The following GLDN variants were observed in gnomAD, a reference collection of about 807,000 sequenced individuals.
The protein encoded by GLDN is collomin.
GLDN carries 47 observed loss-of-function variants against 56.5 expected under a neutral mutation model. The ratio of observed to expected loss-of-function variants is 0.83; its 90% CI spans 0.66 to 1.06. The LOEUF is 1.06. Among genes scored for constraint, GLDN ranks in the 50% least tolerant of loss-of-function variants. GLDN has a pLI of 0.00. For synonymous variants in GLDN, 332 were observed against 278.8 expected (o/e 1.19, Z -1.90); for missense variants, 782 against 714.3 (o/e 1.09, Z -1.08).
At chr15:51,364,486 C>A (rs1283731292) in intron 1 of GLDN, among the ~76,000 whole-genome samples, 3 of 152,186 alleles carry the variant, frequency 2.0e-5, no homozygotes, top group Non-Finnish European at 4.4e-5. Flanking sequence ...CTCAAGTCAT[C>A]CTTCTGCTTT....
chr15:51,346,697 G>A (rs1163007003), intron 1 of GLDN, among the ~76,000 whole-genome samples: 1 of 152,170 alleles, frequency 6.6e-6, no homozygotes, highest in Non-Finnish European at 1.5e-5. Context: ...AAAAGCACAT[G>A]AAACAGCAGC....
chr15:51,370,178 G>C (rs1219528899), intron 1 of GLDN, among the ~76,000 whole-genome samples: 2 of 152,252 alleles, frequency 1.3e-5, no homozygotes, highest in South Asian at 2.1e-4. Context: ...AAGCAAGCTA[G>C]GTGAGCCTAA....
intron 4 of GLDN, among the ~76,000 whole-genome samples, chr15:51,390,967 G>A (rs375395066): frequency 2.1e-4 from 32 of 152,300 alleles, no homozygotes; most frequent in African/African-American, 7.7e-4. Flanking sequence ...CCACACACAG[G>A]TTCCTGATGG....
At chr15:51,355,745 G>T (rs535792035) in intron 1 of GLDN, among the ~76,000 whole-genome samples, 1 of 149,482 alleles carries the variant, frequency 6.7e-6, no homozygotes, top group Non-Finnish European at 1.5e-5. Context: ...GGATGGTCTT[G>T]ATCTCCTGAC....
At position 51,390,652 on chromosome 15, in the gene GLDN, T is replaced by G. The variant is rs557844343; in HGVS notation, c.542-4183T>G. Among the ~76,000 whole-genome samples, 31 of 152,250 alleles carry G rather than the reference T, an allele frequency of 2.0e-4. No individual in the cohort carries two copies. The South Asian group carries it at 2.9e-3, about 14-fold the overall frequency. ...CCCCCGCCTTAGCAACAAATGATAC[T>G]GCTGAAAATAAAACATCCTCCCTCA... On this transcript the variant is annotated intron_variant, in intron 4 of 9. Transcript: ENST00000335449.
At chr15:51,360,891 A>G (rs1274747645) in intron 1 of GLDN, among the ~76,000 whole-genome samples, 2 of 152,206 alleles carry the variant, frequency 1.3e-5, no homozygotes, top group Admixed American at 6.5e-5. Flanking sequence ...ACACTCTTAC[A>G]GATGTTTTTG....
chr15:51,353,933 T>C (rs1025360473), intron 1 of GLDN, among the ~76,000 whole-genome samples: 1 of 152,198 alleles, frequency 6.6e-6, no homozygotes, highest in Non-Finnish European at 1.5e-5. Flanking sequence ...TAGGTTGTAA[T>C]TAAGCTACAA....
intron 1 of GLDN, among the ~76,000 whole-genome samples, chr15:51,355,513 T>TTTTC (rs560055625): frequency 1.3e-5 from 2 of 148,916 alleles, no homozygotes; most frequent in Non-Finnish European, 3.0e-5. Flanking sequence ...GCTTTTTTCT[T>TTTTC]TTTCTTTCTT....
chr15:51,351,045 A>T, intron 1 of GLDN: 1 of 203,842 alleles, frequency 4.9e-6, no homozygotes, highest in Non-Finnish European at 1.0e-5. Flanking sequence ...CTTTTTTTTT[A>T]AGTGAACGTA....
intron 1 of GLDN, among the ~76,000 whole-genome samples, chr15:51,355,103 A>G (rs922458962): frequency 2.0e-5 from 3 of 152,244 alleles, no homozygotes; most frequent in Admixed American, 6.5e-5. Context: ...ATCATGCACA[A>G]GAAAGAATTC....
intron 2 of GLDN, among the ~76,000 whole-genome samples, chr15:51,381,332 C>T (rs747702639): frequency 2.0e-5 from 3 of 152,148 alleles, no homozygotes; most frequent in Non-Finnish European, 2.9e-5. Flanking sequence ...ATTTGGCTCC[C>T]TCTGTCGTCG....
At chr15:51,358,827 T>C (rs2037236366) in intron 1 of GLDN, among the ~76,000 whole-genome samples, 1 of 152,204 alleles carries the variant, frequency 6.6e-6, no homozygotes, top group Non-Finnish European at 1.5e-5. Flanking sequence ...CACAATAGCC[T>C]CTTCCCGGAG....
downstream of GLDN, among the ~76,000 whole-genome samples, chr15:51,412,341 T>C (rs534862019): frequency 1.3e-5 from 2 of 152,364 alleles, no homozygotes; most frequent in South Asian, 4.1e-4. Flanking sequence ...ATTGTAGTGA[T>C]AAGGGTTAAA....
intron 2 of GLDN, among the ~76,000 whole-genome samples, chr15:51,380,320 C>G (rs1347923827): frequency 6.6e-6 from 1 of 152,202 alleles, no homozygotes; most frequent in Non-Finnish European, 1.5e-5. Context: ...GGGTGGTAGG[C>G]CCAGGACACC....
At chr15:51,412,361 A>G (rs1166392467), downstream of GLDN, among the ~76,000 whole-genome samples, 1 of 152,206 alleles carries the variant, frequency 6.6e-6, no homozygotes, top group African/African-American at 2.4e-5. Context: ...AGACATCCAC[A>G]TAGGAGGAGA....
intron 4 of GLDN, among the ~76,000 whole-genome samples, chr15:51,389,331 G>T (rs1041689027): frequency 2.0e-5 from 3 of 152,222 alleles, no homozygotes; most frequent in Non-Finnish European, 2.9e-5. Flanking sequence ...ATTAATGAAT[G>T]CATGCATGAA....
At chr15:51,402,205 G>A (rs569599584) in intron 9 of GLDN, among the ~76,000 whole-genome samples, 89 of 152,310 alleles carry the variant, frequency 5.8e-4, no homozygotes, top group South Asian at 1.0e-3. Context: ...CTTCAGATCC[G>A]TCTGTCATCC....
intron 4 of GLDN, 113 bp downstream of exon 4, chr15:51,384,005 T>C: frequency 1.2e-6 from 1 of 835,578 alleles, no homozygotes; most frequent in East Asian, 2.7e-5. Context: ...CTGCACAGTT[T>C]AAGGCCGGTT....
At chr15:51,373,684 G>A (rs1203541859) in intron 1 of GLDN, among the ~76,000 whole-genome samples, 7 of 152,190 alleles carry the variant, frequency 4.6e-5, no homozygotes, top group East Asian at 3.8e-4. Flanking sequence ...AGGCCAGTGC[G>A]ACTGGAGCAG....
Sources: allele counts gnomAD v4.1 joint callset (sites outside exome capture counted in the v4.1 genomes callset), GRCh38; gene constraint gnomAD v4.1.1; transcripts MANE v1.5; gene names NCBI Gene and HGNC (gene_info 2026-07-23, HGNC 2026-07-21).